DTNA: variants seen among roughly 807,000 people sequenced by gnomAD.
DTNA encodes dystrobrevin alpha, also known as dystrophin-related protein 3.
DTNA carries 43 observed loss-of-function variants against 100.7 expected under a neutral mutation model. The observed-to-expected ratio is 0.43, with a 90% CI of 0.33 to 0.55. The LOEUF is 0.55. Among genes scored for constraint, DTNA ranks in the 20% least tolerant of loss-of-function variants. The pLI is 0.04. For missense variants in DTNA, 798 were observed against 953.9 expected (o/e 0.84, Z 2.15); for synonymous variants, 349 against 347.9 (o/e 1.00, Z -0.04).
intron 17 of DTNA, chr18:34,867,515 C>T: frequency 8.5e-7 from 1 of 1,178,156 alleles, no homozygotes; most frequent in African/African-American, 1.6e-5. Context: ...AGAAAAATGC[C>T]TTCTTCATGA....
intron 13 of DTNA, among the ~76,000 whole-genome samples, chr18:34,843,879 A>G (rs776883784): frequency 2.0e-5 from 3 of 152,088 alleles, no homozygotes; most frequent in Non-Finnish European, 4.4e-5. Context: ...ATGTGAGTTT[A>G]TTGCAATCTG....
intron 16 of DTNA, among the ~76,000 whole-genome samples, chr18:34,862,407 A>G (rs964308646): frequency 6.6e-6 from 1 of 151,494 alleles, no homozygotes; most frequent in African/African-American, 2.4e-5. Flanking sequence ...AGTTAAAAAT[A>G]TAAATTTAAA....
At chr18:34,848,519 C>T in intron 14 of DTNA, 136 bp downstream of exon 14, 2 of 1,008,476 alleles carry the variant, frequency 2.0e-6, no homozygotes, top group South Asian at 2.8e-5. Flanking sequence ...GTGTTTGTTG[C>T]TAAGTTTGTG....
chr18:34,558,985 A>T (rs991224618), intron 1 of DTNA, among the ~76,000 whole-genome samples: 9 of 152,166 alleles, frequency 5.9e-5, no homozygotes, highest in African/African-American at 2.2e-4. Context: ...GCCACTCTTA[A>T]TGTTGGTTGA....
intron 1 of DTNA, among the ~76,000 whole-genome samples, chr18:34,618,652 T>G (rs539703976): frequency 6.6e-6 from 1 of 152,248 alleles, no homozygotes; most frequent in African/African-American, 2.4e-5. Context: ...GTGTTGCAGA[T>G]GAAGAAAGAA....
intron 1 of DTNA, among the ~76,000 whole-genome samples, chr18:34,502,720 C>A (rs575143276): frequency 6.6e-5 from 10 of 152,290 alleles, no homozygotes; most frequent in African/African-American, 2.4e-4. Context: ...ATTCAGAGAA[C>A]ACATGCTGTA....
chr18:34,832,637 A>G (rs946303712), intron 11 of DTNA, among the ~76,000 whole-genome samples: 1 of 152,174 alleles, frequency 6.6e-6, no homozygotes, highest in Non-Finnish European at 1.5e-5. Context: ...CCTGTTTGAG[A>G]TGGTTGAACT....
At chr18:34,550,465 T>C (rs996529248) in intron 1 of DTNA, among the ~76,000 whole-genome samples, 3 of 152,142 alleles carry the variant, frequency 2.0e-5, no homozygotes, top group African/African-American at 7.2e-5. Context: ...GATTTTAACT[T>C]AACAGCTGTG....
intron 1 of DTNA, among the ~76,000 whole-genome samples, chr18:34,672,173 G>A (rs1025187683): frequency 4.6e-5 from 7 of 152,116 alleles, no homozygotes; most frequent in African/African-American, 1.7e-4. Context: ...TTTCAACATG[G>A]AGAACATAAA....
At chr18:34,780,971 C>A (rs184029884) in intron 3 of DTNA, among the ~76,000 whole-genome samples, 24 of 152,318 alleles carry the variant, frequency 1.6e-4, no homozygotes, top group Admixed American at 1.3e-3. Flanking sequence ...TGTCCTCATG[C>A]TTCTAGGTTG....
At chr18:34,527,085 C>G (rs2042695954) in intron 1 of DTNA, among the ~76,000 whole-genome samples, 1 of 152,032 alleles carries the variant, frequency 6.6e-6, no homozygotes, top group Non-Finnish European at 1.5e-5. Context: ...TCTGTTCTCT[C>G]TCTCTACAAT....
chr18:34,666,776 T>C (rs1014158457), intron 1 of DTNA, among the ~76,000 whole-genome samples: 6 of 152,158 alleles, frequency 3.9e-5, no homozygotes, highest in African/African-American at 1.4e-4. Context: ...GTTCCATTGG[T>C]CTACATCTCT....
At chr18:34,776,727 T>A (rs762312250) in intron 3 of DTNA, among the ~76,000 whole-genome samples, 16 of 152,194 alleles carry the variant, frequency 1.1e-4, no homozygotes, top group Non-Finnish European at 4.4e-5. Context: ...TCTGCTCAGA[T>A]TCCTGCAGTG....
rs570756908 is a variant in DTNA at position 34,724,531 on chromosome 18, C to G, written c.-2+14086C>G. On this transcript the variant is annotated intron_variant, in intron 1 of 22. Coordinates refer to ENST00000444659, the MANE Select transcript of DTNA (RefSeq NM_001386795.1). The stretch of plus-strand genomic sequence containing the variant: ...GCATAATGCCAGCATCTGCTCCTGG[C>G]AAGGGCCTCAGGAAGCTTGTAATAA... Among the ~76,000 whole-genome samples the G allele has an allele frequency of 1.2e-3, 177 of 152,326 alleles. 2 individuals are homozygous for G. Among genetic ancestry groups the G allele is most frequent in the African/African-American group, 3.8e-3 (157 of 41,562 alleles).
chr18:34,836,634 C>T (rs933661705), intron 11 of DTNA, among the ~76,000 whole-genome samples: 1 of 128,186 alleles, frequency 7.8e-6, no homozygotes, highest in African/African-American at 3.1e-5. Flanking sequence ...TGCAACAGAG[C>T]GAGACTCTGT....
chr18:34,566,529 C>A (rs550379738), intron 1 of DTNA, among the ~76,000 whole-genome samples: 1 of 152,322 alleles, frequency 6.6e-6, no homozygotes, highest in East Asian at 1.9e-4. Context: ...TTCAAAAATT[C>A]TGTGTGAGGA....
chr18:34,547,711 G>A (rs2044950945), intron 1 of DTNA, among the ~76,000 whole-genome samples: 1 of 152,074 alleles, frequency 6.6e-6, no homozygotes, highest in Admixed American at 6.6e-5. Context: ...TTCATGTATA[G>A]ATATACAAGG....
At chr18:34,612,029 G>A (rs1191919790) in intron 1 of DTNA, among the ~76,000 whole-genome samples, 1 of 152,168 alleles carries the variant, frequency 6.6e-6, no homozygotes, top group African/African-American at 2.4e-5. Context: ...TTCTGTGGGC[G>A]GCACCCTTCC....
intron 1 of DTNA, among the ~76,000 whole-genome samples, chr18:34,644,133 C>G (rs890548540): frequency 9.2e-5 from 14 of 152,014 alleles, no homozygotes; most frequent in Admixed American, 8.5e-4. Context: ...CTTCCCTCAC[C>G]AGATCGTGGC....
Sources: allele counts gnomAD v4.1 joint callset (sites outside exome capture counted in the v4.1 genomes callset), GRCh38; gene constraint gnomAD v4.1.1; transcripts MANE v1.5; gene names NCBI Gene and HGNC (gene_info 2026-07-23, HGNC 2026-07-21).